The following ADGRL3 variants were observed in gnomAD, a reference collection of about 807,000 sequenced individuals.
ADGRL3 encodes the protein adhesion G protein-coupled receptor L3, also known as calcium-independent alpha-latrotoxin receptor 3.
ADGRL3 carries 62 observed loss-of-function variants against 153.5 expected under a neutral mutation model. That is an observed-to-expected ratio of 0.40 (90% confidence interval 0.33 to 0.50). ADGRL3 has a LOEUF of 0.50. Among genes scored for constraint, ADGRL3 ranks in the 20% least tolerant of loss-of-function variants. The probability of loss-of-function intolerance (pLI) is 0.47; values close to 1 mark genes in which losing one functional copy is unlikely to be tolerated. For synonymous variants in ADGRL3, 710 were observed against 672.5 expected (o/e 1.06, Z -0.86); for missense variants, 1,641 against 1,859.4 (o/e 0.88, Z 2.16).
At chr4:61,660,014 A>T (rs1015069469) in intron 5 of ADGRL3, among the ~76,000 whole-genome samples, 1 of 152,046 alleles carries the variant, frequency 6.6e-6, no homozygotes, top group African/African-American at 2.4e-5. Context: ...GAGGAGAAAG[A>T]TATTCAGGGA....
chr4:61,373,031 G>T (rs914099775), intron 1 of ADGRL3, among the ~76,000 whole-genome samples: 1 of 152,160 alleles, frequency 6.6e-6, no homozygotes, highest in East Asian at 1.9e-4. Context: ...TTAGGAAAGG[G>T]AACTCCCTGA....
At chr4:61,368,871 T>C (rs1445506903) in intron 1 of ADGRL3, among the ~76,000 whole-genome samples, 3 of 152,206 alleles carry the variant, frequency 2.0e-5, no homozygotes, top group South Asian at 4.1e-4. Context: ...GCATGGAATG[T>C]TCTTCCATTT....
chr4:61,579,000 T>A (rs752549445), intron 4 of ADGRL3, among the ~76,000 whole-genome samples: 1 of 152,096 alleles, frequency 6.6e-6, no homozygotes, highest in Non-Finnish European at 1.5e-5. Context: ...GTCTTGTTAA[T>A]CATGAGTAAC....
chr4:61,717,844 G>A (rs550177884), intron 6 of ADGRL3, among the ~76,000 whole-genome samples: 1 of 151,974 alleles, frequency 6.6e-6, no homozygotes, highest in Non-Finnish European at 1.5e-5. Flanking sequence ...GATCAGCCTG[G>A]CCAACGTGGT....
intron 17 of ADGRL3, among the ~76,000 whole-genome samples, chr4:61,972,373 T>G (rs2099031517): frequency 6.6e-6 from 1 of 152,298 alleles, no homozygotes; most frequent in African/African-American, 2.4e-5. Context: ...GCTTTCTACA[T>G]ATGGCTAGCC....
At chr4:61,929,736 A>G (rs1164158209) in intron 13 of ADGRL3, among the ~76,000 whole-genome samples, 1 of 152,158 alleles carries the variant, frequency 6.6e-6, no homozygotes, top group Non-Finnish European at 1.5e-5. Context: ...TTAGATAATG[A>G]CGTATGACAC....
intron 9 of ADGRL3, among the ~76,000 whole-genome samples, chr4:61,840,899 G>A (rs370953157): frequency 6.6e-6 from 1 of 152,160 alleles, no homozygotes; most frequent in East Asian, 1.9e-4. Flanking sequence ...TTTTGGCTTA[G>A]ATTTTATCTT....
chr4:61,676,875 C>G lies in ADGRL3; in HGVS notation c.523C>G (p.Pro175Ala). ...CAVVAGPDVF[P>A]DPCPGTYKYL... ...AGTGGTGGCAGGTCCTGATGTTTTT[C>G]CAGACCCGTGTCCAGGAACCTATAA... Residue 175 changes from proline to alanine, a missense_variant, in exon 6 of 27, where the codon CCA (proline) becomes GCA (alanine). Transcript: ENST00000683033. 1 of 1,612,230 alleles carries G rather than the reference C, an allele frequency of 6.2e-7. No individual in the cohort carries two copies. Among genetic ancestry groups the G allele is most frequent in the Non-Finnish European group, 8.5e-7 (1 of 1,178,700 alleles).
intron 25 of ADGRL3, among the ~76,000 whole-genome samples, chr4:62,065,159 T>C (rs10007306): frequency 0.028 from 4,201 of 152,180 alleles, 206 homozygotes; most frequent in African/African-American, 0.097. Flanking sequence ...TTTTCTCTGG[T>C]CTTTAGAGCA....
chr4:61,972,817 A>T (rs1273902365), intron 17 of ADGRL3, among the ~76,000 whole-genome samples: 1 of 152,014 alleles, frequency 6.6e-6, no homozygotes, highest in South Asian at 2.1e-4. Context: ...ATTTGTTTGT[A>T]TCGAAGAGGC....
At chr4:61,374,951 A>T (rs2096586275) in intron 1 of ADGRL3, among the ~76,000 whole-genome samples, 1 of 152,034 alleles carries the variant, frequency 6.6e-6, no homozygotes, top group Non-Finnish European at 1.5e-5. Flanking sequence ...GGCAATCCAA[A>T]CTATTTTAAA....
intron 9 of ADGRL3, among the ~76,000 whole-genome samples, chr4:61,857,057 CCTCT>C (rs1296514212): frequency 5.5e-5 from 8 of 145,160 alleles, no homozygotes; most frequent in South Asian, 2.2e-4. Context: ...TCCCTCCCTC[CCTCT>C]CTCTCTCTTT....
chr4:61,653,029 T>A (rs2094316055), intron 5 of ADGRL3, among the ~76,000 whole-genome samples: 2 of 151,700 alleles, frequency 1.3e-5, no homozygotes, highest in African/African-American at 2.4e-5. Context: ...TTGGATGAAA[T>A]GAGTAAGTTT....
At chr4:61,372,584 G>A (rs1378260047) in intron 1 of ADGRL3, among the ~76,000 whole-genome samples, 2 of 152,206 alleles carry the variant, frequency 1.3e-5, no homozygotes, top group East Asian at 1.9e-4. Flanking sequence ...CAGTCTGCCC[G>A]TTCTCAGATC....
intron 9 of ADGRL3, among the ~76,000 whole-genome samples, chr4:61,824,801 T>C (rs897867993): frequency 2.0e-5 from 3 of 152,226 alleles, no homozygotes; most frequent in African/African-American, 7.2e-5. Flanking sequence ...TACTTGACAA[T>C]AGATGTAGAA....
intron 8 of ADGRL3, among the ~76,000 whole-genome samples, chr4:61,766,827 A>T (rs2096988029): frequency 6.6e-6 from 1 of 151,918 alleles, no homozygotes; most frequent in African/African-American, 2.4e-5. Flanking sequence ...GGTATTGAGG[A>T]TAGGAGAGTA....
chr4:62,044,481 C>G lies in ADGRL3; in HGVS notation c.3746C>G (p.Thr1249Arg). 1 of 1,596,008 alleles carries G rather than the reference C, an allele frequency of 6.3e-7. No homozygotes were observed. Among genetic ancestry groups the G allele is most frequent in the Non-Finnish European group, 8.5e-7 (1 of 1,170,816 alleles). Residue 1249 changes from threonine (T) to arginine (R), a missense_variant, in exon 25 of 27, where the codon ACG (threonine) becomes AGG (arginine). By Grantham distance (71) the Thr-to-Arg change is moderately conservative. Transcript: ENST00000683033. ...QSRIRRMWNDTVRKQSESSFI... is the reference protein window; with the variant it reads ...QSRIRRMWNDRVRKQSESSFI... ...CGAATCCGTAGAATGTGGAATGACA[C>G]GGTTCGAAAGCAGTCAGAGTCTTCC...
chr4:61,213,089 G>A (rs1452904071), intron 1 of ADGRL3, among the ~76,000 whole-genome samples: 1 of 151,946 alleles, frequency 6.6e-6, no homozygotes, highest in African/African-American at 2.4e-5. Context: ...TGAATTTAGG[G>A]GATGTTGAGC....
chr4:61,509,198 G>T (rs1334665421), intron 3 of ADGRL3, among the ~76,000 whole-genome samples: 1 of 147,452 alleles, frequency 6.8e-6, no homozygotes, highest in Non-Finnish European at 1.5e-5. Flanking sequence ...CACGATCTCG[G>T]CTCACTGCAA....
Sources: allele counts gnomAD v4.1 joint callset (sites outside exome capture counted in the v4.1 genomes callset), GRCh38; gene constraint gnomAD v4.1.1; transcripts MANE v1.5; gene names NCBI Gene and HGNC (gene_info 2026-07-23, HGNC 2026-07-21).